MARCHF3: variants seen among roughly 807,000 people sequenced by gnomAD.
MARCHF3 encodes the protein E3 ubiquitin-protein ligase MARCHF3.
Under a neutral mutation model 24.2 loss-of-function variants are expected in MARCHF3, and 13 were observed. That is an observed-to-expected ratio of 0.54 (90% CI 0.35 to 0.85). The LOEUF (loss-of-function observed/expected upper bound fraction) is 0.85. MARCHF3 is among the 40% of genes least tolerant of loss of function. MARCHF3 has a pLI of 0.01. For synonymous variants in MARCHF3, 144 were observed against 137.3 expected (o/e 1.05, Z -0.34); for missense variants, 276 against 325.0 (o/e 0.85, Z 1.16).
At chr5:126,895,064 C>T (rs1178878476) in intron 3 of MARCHF3, among the ~76,000 whole-genome samples, 1 of 152,038 alleles carries the variant, frequency 6.6e-6, no homozygotes, top group Non-Finnish European at 1.5e-5. Context: ...TTCATTTCAT[C>T]TTCCATTGCT....
chr5:126,939,233 T>C lies in MARCHF3; in HGVS notation c.-56-21006A>G, dbSNP rs1393856705. Among the ~76,000 whole-genome samples, 7 of 152,194 alleles carry C rather than the reference T, an allele frequency of 4.6e-5. No individual in the cohort carries two copies. In the East Asian group the frequency reaches 1.3e-3, roughly 29 times the overall value. ...ACAACCCCACCCCCTTGAGTATGCC[T>C]TCCCTAGATATGAAAAGGTTAGGCT... On this transcript the variant is annotated intron_variant, in intron 1 of 4. Transcript: ENST00000308660.
intron 3 of MARCHF3, among the ~76,000 whole-genome samples, chr5:126,903,267 C>T (rs550473501): frequency 6.6e-6 from 1 of 151,974 alleles, no homozygotes; most frequent in African/African-American, 2.4e-5. Flanking sequence ...TAGGTGTGTA[C>T]AAGCAAAAGG....
At chr5:126,979,456 T>G (rs1226396151) in intron 1 of MARCHF3, among the ~76,000 whole-genome samples, 2 of 152,242 alleles carry the variant, frequency 1.3e-5, no homozygotes, top group South Asian at 2.1e-4. Flanking sequence ...AAACCCTCGA[T>G]GTCAACCACT....
intron 3 of MARCHF3, among the ~76,000 whole-genome samples, chr5:126,886,394 C>T (rs1449019644): frequency 1.3e-5 from 2 of 152,146 alleles, no homozygotes; most frequent in Admixed American, 6.5e-5. Context: ...GATATGGGCT[C>T]GGAGGCAGGG....
In MARCHF3 at chr5:126,995,269, G is replaced by T. The variant is rs142239366; in HGVS notation, c.-57+35081C>A. Among the ~76,000 whole-genome samples the T allele has an allele frequency of 5.4e-3, 829 of 152,312 alleles. 26 individuals carry two copies. Among genetic ancestry groups the T allele is most frequent in the Non-Finnish European group, 2.7e-3 (184 of 68,016 alleles). ...ACACAGTTTAAAAAAGCACTAATAC[G>T]TAAATCAATTGAGCCAATGTACCAG... On this transcript the variant is annotated intron_variant, in intron 1 of 4. Coordinates refer to ENST00000308660, the MANE Select transcript of MARCHF3 (RefSeq NM_178450.5).
intron 1 of MARCHF3, among the ~76,000 whole-genome samples, chr5:126,977,215 T>C (rs1282706217): frequency 6.6e-6 from 1 of 152,226 alleles, no homozygotes; most frequent in Admixed American, 6.5e-5. Context: ...ACAAAGTCCT[T>C]TTTCATTTTT....
intron 1 of MARCHF3, among the ~76,000 whole-genome samples, chr5:126,985,266 T>C (rs1395977019): frequency 6.6e-6 from 1 of 152,150 alleles, no homozygotes; most frequent in Non-Finnish European, 1.5e-5. Flanking sequence ...TCTTTTTCTT[T>C]TTCTAAAACA....
At chr5:126,874,035 A>G (rs1753063890) in intron 4 of MARCHF3, among the ~76,000 whole-genome samples, 1 of 152,236 alleles carries the variant, frequency 6.6e-6, no homozygotes, top group Non-Finnish European at 1.5e-5. Flanking sequence ...TAGGAATTTC[A>G]CTTAGATATT....
chr5:127,006,200 C>CA (rs58415135), intron 1 of MARCHF3, among the ~76,000 whole-genome samples: 6,764 of 71,550 alleles, frequency 0.095, 219 homozygotes, highest in African/African-American at 0.15. Context: ...GAGGCTCTGT[C>CA]AAAAAAAAAA....
At chr5:126,906,622 T>C (rs1754307648) in intron 3 of MARCHF3, among the ~76,000 whole-genome samples, 1 of 152,232 alleles carries the variant, frequency 6.6e-6, no homozygotes, top group South Asian at 2.1e-4. Context: ...TTTGTAGTAT[T>C]CTCTCATGGT....
rs570205179 is a variant in MARCHF3 at position 126,891,646 on chromosome 5, A to G, written c.394-13252T>C. On this transcript the variant is annotated intron_variant, in intron 3 of 4. Transcript: ENST00000308660. ...GGGCTCTGTTCTGTTCCACTGATCT[A>G]TATCTCTGTTTTGGTACCAGTACCA... 8.1e-3 allele frequency among the ~76,000 whole-genome samples: 1,113 copies of G among 138,218 alleles called. 8 individuals carry two copies. Among genetic ancestry groups the G allele is most frequent in the Middle Eastern group, 0.057 (16 of 282 alleles). The allele number at this position is 138,218 out of a possible 152,430, so 90.7% of individuals were successfully genotyped here. A position where few individuals can be genotyped will look rare whatever the true frequency, so the allele number is the denominator to read the frequency against.
At chr5:127,020,246 T>C (rs1752751415) in intron 1 of MARCHF3, among the ~76,000 whole-genome samples, 1 of 152,194 alleles carries the variant, frequency 6.6e-6, no homozygotes, top group Non-Finnish European at 1.5e-5. Context: ...GGAGTTTCAA[T>C]AGAGATCACA....
chr5:126,890,732 A>G lies in MARCHF3; in HGVS notation c.394-12338T>C, dbSNP rs1464223383. ...TTCCAAGTCTTTGCTATTGTGAATA[A>G]TGCCGCAATAAACATACATGTGCAT... On this transcript the variant is annotated intron_variant, in intron 3 of 4. Coordinates refer to ENST00000308660, the MANE Select transcript of MARCHF3 (RefSeq NM_178450.5). Among the ~76,000 whole-genome samples the G allele has an allele frequency of 3.3e-5, 5 of 150,810 alleles. No individual in the cohort carries two copies. In the East Asian group the frequency reaches 7.8e-4, roughly 23 times the overall value.
chr5:126,925,703 G>T (rs1256038569), intron 1 of MARCHF3, among the ~76,000 whole-genome samples: 8 of 152,188 alleles, frequency 5.3e-5, no homozygotes, highest in African/African-American at 1.9e-4. Context: ...AGGGAGGGGG[G>T]TTGCACAGAT....
At chr5:127,002,641 T>C (rs1433680453) in intron 1 of MARCHF3, among the ~76,000 whole-genome samples, 2 of 152,242 alleles carry the variant, frequency 1.3e-5, no homozygotes, top group Non-Finnish European at 2.9e-5. Flanking sequence ...GTATTGGCAC[T>C]AAGTTCACCA....
intron 1 of MARCHF3, among the ~76,000 whole-genome samples, chr5:126,929,416 G>C (rs1749407412): frequency 6.6e-6 from 1 of 152,052 alleles, no homozygotes. Flanking sequence ...CAATTCTAAG[G>C]GTCTAATGAT....
chr5:126,888,776 T>C (rs1753579132), intron 3 of MARCHF3, among the ~76,000 whole-genome samples: 1 of 152,200 alleles, frequency 6.6e-6, no homozygotes. Context: ...GTGGTTTTTC[T>C]TTTTTTGAGA....
intron 4 of MARCHF3, among the ~76,000 whole-genome samples, chr5:126,874,861 G>A (rs1352482657): frequency 6.6e-6 from 1 of 152,188 alleles, no homozygotes; most frequent in African/African-American, 2.4e-5. Context: ...CAGCCCCACA[G>A]TGAGCCTTGT....
At chr5:127,028,442 AGACT>A (rs1255044782) in intron 1 of MARCHF3, among the ~76,000 whole-genome samples, 1 of 152,222 alleles carries the variant, frequency 6.6e-6, no homozygotes, top group Non-Finnish European at 1.5e-5. Context: ...ACTAGTGATT[AGACT>A]GACTATGAAT....
Sources: gnomAD v4.1 joint callset for allele counts (sites outside exome capture counted in the v4.1 genomes callset) on GRCh38, gnomAD v4.1.1 for gene constraint, MANE v1.5 for transcripts, NCBI Gene and HGNC (gene_info 2026-07-23, HGNC 2026-07-21) for gene names.